The following CCNT2 variants were observed in gnomAD, a reference collection of about 807,000 sequenced individuals.
CCNT2 encodes cyclin T2.
A neutral mutation model predicts 70.0 loss-of-function variants in CCNT2; 18 were observed. That is an observed-to-expected ratio of 0.26 (90% CI 0.18 to 0.38). The LOEUF is 0.38. Among genes scored for constraint, CCNT2 ranks in the 10% least tolerant of loss-of-function variants. The probability of loss-of-function intolerance (pLI) is 1.00; values close to 1 mark genes in which losing one functional copy is unlikely to be tolerated. For missense variants in CCNT2, 734 were observed against 890.2 expected (o/e 0.82, Z 2.23); for synonymous variants, 334 against 313.3 (o/e 1.07, Z -0.70).
intron 2 of CCNT2, among the ~76,000 whole-genome samples, chr2:134,928,270 A>ATTTTTTTTTTTTTTTTTTTTTTT (rs1680442850): frequency 5.1e-5 from 4 of 77,986 alleles, no homozygotes; most frequent in Admixed American, 1.6e-4. Context: ...CTCACATTGT[A>ATTTTTTTTTTTTTTTTTTTTTTT]TTTCTTTTTT....
chr2:134,933,103 C>A (rs527338040), intron 2 of CCNT2, among the ~76,000 whole-genome samples: 1 of 152,200 alleles, frequency 6.6e-6, no homozygotes, highest in South Asian at 2.1e-4. Flanking sequence ...AGATGAAACA[C>A]AAGAACAGGT....
At chr2:134,948,359 G>T (rs1682157532) in intron 7 of CCNT2, among the ~76,000 whole-genome samples, 1 of 150,236 alleles carries the variant, frequency 6.7e-6, no homozygotes, top group Admixed American at 6.7e-5. Flanking sequence ...AATAAGTAAG[G>T]TTTAGAATTC....
intron 2 of CCNT2, among the ~76,000 whole-genome samples, chr2:134,926,986 A>C (rs899271833): frequency 2.0e-5 from 3 of 152,226 alleles, no homozygotes; most frequent in African/African-American, 7.2e-5. Context: ...AAGTACATTT[A>C]AATGACAGCC....
chr2:134,929,635 G>GAA (rs1553520520), intron 2 of CCNT2, among the ~76,000 whole-genome samples: 2 of 129,900 alleles, frequency 1.5e-5, no homozygotes, highest in South Asian at 2.9e-4. Flanking sequence ...GAGAGAGAGA[G>GAA]AACTAATAAA....
chr2:134,931,260 A>ATTTTTTTTTTTTTTTTTT (rs1351628226), intron 2 of CCNT2, among the ~76,000 whole-genome samples: 42 of 42,932 alleles, frequency 9.8e-4, no homozygotes, highest in Admixed American at 2.9e-3. Flanking sequence ...CCATGCCCGG[A>ATTTTTTTTTTTTTTTTTT]TCTTTTTTTT....
chr2:134,943,030 A>G (rs963184933), intron 5 of CCNT2: 26 of 985,212 alleles, frequency 2.6e-5, no homozygotes, highest in Non-Finnish European at 3.0e-5. Flanking sequence ...GTTTGTGTCA[A>G]ACTTTGACTT....
At chr2:134,947,556 T>G (rs1251011205) in intron 6 of CCNT2, among the ~76,000 whole-genome samples, 180 bp from the exon 7 acceptor site, 1 of 152,196 alleles carries the variant, frequency 6.6e-6, no homozygotes, top group East Asian at 1.9e-4. Flanking sequence ...GTTCATTTTA[T>G]GTAGATTTTT....
At chr2:134,931,364 T>G (rs1680760027) in intron 2 of CCNT2, among the ~76,000 whole-genome samples, 1 of 150,666 alleles carries the variant, frequency 6.6e-6, no homozygotes, top group Admixed American at 6.7e-5. Flanking sequence ...CTTGGGATTG[T>G]TAGTGAAAAT....
intron 2 of CCNT2, among the ~76,000 whole-genome samples, chr2:134,926,182 T>G (rs992368172): frequency 6.6e-6 from 1 of 152,196 alleles, no homozygotes; most frequent in African/African-American, 2.4e-5. Context: ...AGCACCACTC[T>G]TCTAGTCTTT....
rs1682731284 is a variant in CCNT2 at position 134,953,944 on chromosome 2, G to C, written c.1489G>C (p.Asp497His). ...CGCAAATACTGAAAAATACATGGCA[G>C]ACAAAAAGGAAAAGAGTGGGTCACT... ...PIANTEKYMA[D>H]KKEKSGSLKL... Residue 497 changes from aspartate to histidine, a missense_variant, in exon 9 of 9, where the codon GAC becomes CAC. Physicochemically the swap from Asp to His is moderately conservative, Grantham distance 81. Transcript: ENST00000264157. 1 of 1,613,838 alleles carries C rather than the reference G, an allele frequency of 6.2e-7. No homozygotes were observed. Among genetic ancestry groups the C allele is most frequent in the South Asian group, 1.1e-5 (1 of 91,068 alleles).
chr2:134,950,256 G>A (rs572076154), intron 7 of CCNT2, among the ~76,000 whole-genome samples: 1 of 152,290 alleles, frequency 6.6e-6, no homozygotes, highest in African/African-American at 2.4e-5. Flanking sequence ...ATTCTGAAAA[G>A]TAAAGTTTGT....
chr2:134,943,409 A>AG (rs1681711607), intron 5 of CCNT2: 7 of 984,564 alleles, frequency 7.1e-6, no homozygotes, highest in African/African-American at 7.0e-5. Flanking sequence ...CTCAAAAAAA[A>AG]AAGTTATTTT....
chr2:134,946,080 G>GTTTTTTT, intron 5 of CCNT2, 21 bp from the exon 6 acceptor site: 1 of 1,355,708 alleles, frequency 7.4e-7, no homozygotes, highest in Non-Finnish European at 1.0e-6. Context: ...TATTGTCTTC[G>GTTTTTTT]TTTTTTTTTT....
At chr2:134,936,306 T>G (rs1393817989) in intron 2 of CCNT2, among the ~76,000 whole-genome samples, 1 of 152,146 alleles carries the variant, frequency 6.6e-6, no homozygotes, top group Non-Finnish European at 1.5e-5. Flanking sequence ...TCCCCTTTGT[T>G]CTATGTGCAA....
chr2:134,936,696 G>A, intron 2 of CCNT2, 145 bp from the exon 3 acceptor site: 1 of 545,174 alleles, frequency 1.8e-6, no homozygotes, highest in Non-Finnish European at 3.1e-6. Context: ...GGAGCTTTCA[G>A]TGAGCCGAGA....
chr2:134,955,184 G>C lies in CCNT2; in HGVS notation c.*536G>C, dbSNP rs951021877. 6.5e-6 allele frequency: 1 copy of C among 154,510 alleles called. No individual in the cohort carries two copies. The highest frequency in any genetic ancestry group is 2.4e-5 in the African/African-American group (1 of 41,458). The allele number at this position is 154,510 out of a possible 1,614,324, so 9.6% of individuals were successfully genotyped here. ...TAAATACTCAGGATTGGAGCTGCTT[G>C]TAAGTATAACAATATACAGAATAAC... is the stretch of plus-strand genomic sequence containing the variant. On this transcript the variant is annotated 3_prime_UTR_variant, in exon 9 of 9. Coordinates refer to ENST00000264157, the MANE Select transcript of CCNT2 (RefSeq NM_058241.3).
At chr2:134,937,628 A>T (rs1317684272) in intron 3 of CCNT2, among the ~76,000 whole-genome samples, 4 of 152,180 alleles carry the variant, frequency 2.6e-5, no homozygotes, top group Non-Finnish European at 4.4e-5. Flanking sequence ...CCCTTTAAAA[A>T]TTTTCGGCCA....
rs1261791005 is a variant in CCNT2 at position 134,954,388 on chromosome 2, TC to T, written c.1934del (p.Ser645LeufsTer41). 6.2e-7 allele frequency: 1 copy of T among 1,614,032 alleles called. No homozygotes were observed. Among genetic ancestry groups the T allele is most frequent in the African/African-American group, 1.3e-5 (1 of 74,922 alleles). On this transcript the variant is annotated frameshift_variant, in exon 9 of 9. Coordinates refer to ENST00000264157, the MANE Select transcript of CCNT2 (RefSeq NM_058241.3). LOFTEE classifies it high-confidence loss of function. Reference sequence around the variant, plus strand: ...AAGTTCCAAAAGTTCAGGTAGTTCATCTAGTTCTTCCTCCTCTGTTAAGCAG... The same window carrying T: ...AAGTTCCAAAAGTTCAGGTAGTTCATTAGTTCTTCCTCCTCTGTTAAGCAG... Reference protein sequence around the residue: ...SKSSKSSGSSSSSSSSVKQYI... With the variant: ...SKSSKSSGSSXSSSSSVKQYI...
intron 2 of CCNT2, among the ~76,000 whole-genome samples, chr2:134,923,106 C>T (rs1680034109): frequency 6.6e-6 from 1 of 151,998 alleles, no homozygotes; most frequent in Admixed American, 6.6e-5. Context: ...TATGATGAAA[C>T]CCCATCTCTA....
Sources: allele counts gnomAD v4.1 joint callset (sites outside exome capture counted in the v4.1 genomes callset), GRCh38; gene constraint gnomAD v4.1.1; transcripts MANE v1.5; gene names NCBI Gene and HGNC (gene_info 2026-07-23, HGNC 2026-07-21).